Variants in DENND6A observed in about 807,000 individuals in gnomAD.
DENND6A encodes the protein DENN domain containing 6A, also known as protein DENND6A.
Under a neutral mutation model 95.5 loss-of-function variants are expected in DENND6A, and 43 were observed. The ratio of observed to expected loss-of-function variants is 0.45; its 90% confidence interval spans 0.35 to 0.58. DENND6A has a LOEUF of 0.58. DENND6A is among the 20% of genes least tolerant of loss of function. The pLI, the probability that DENND6A is intolerant of heterozygous loss-of-function variation, is 0.00. For missense variants in DENND6A, 574 were observed against 736.0 expected (o/e 0.78, Z 2.55); for synonymous variants, 257 against 260.4 (o/e 0.99, Z 0.13).
chr3:57,642,459 G>C (rs886497250), intron 11 of DENND6A, among the ~76,000 whole-genome samples: 4 of 152,058 alleles, frequency 2.6e-5, no homozygotes, highest in African/African-American at 9.7e-5. Flanking sequence ...GGATGAGAGA[G>C]GGAAGAGTGA....
chr3:57,634,864 A>G, intron 12 of DENND6A, 95 bp from the exon 13 acceptor site: 1 of 1,010,848 alleles, frequency 9.9e-7, no homozygotes, highest in Non-Finnish European at 1.4e-6. Context: ...TTATTACTTA[A>G]GTATGTTATA....
At position 57,633,360 on chromosome 3, in the gene DENND6A, A is replaced by G; in HGVS notation, c.1264-6T>C. 6.2e-7 allele frequency: 1 copy of G among 1,604,746 alleles called. No homozygotes were observed. ...GGACGTTTCTGTTGTACACCCTTAAAAGAGGAAATAATGAGAATCTGTATT... is the reference window on the plus strand; with the variant it reads ...GGACGTTTCTGTTGTACACCCTTAAGAGAGGAAATAATGAGAATCTGTATT... On this transcript the variant is annotated splice_polypyrimidine_tract_variant and splice_region_variant and intron_variant, in intron 14 of 19. Coordinates refer to ENST00000311128, the MANE Select transcript of DENND6A (RefSeq NM_152678.3).
chr3:57,676,585 A>C (rs768866771), intron 1 of DENND6A, among the ~76,000 whole-genome samples: 1 of 152,050 alleles, frequency 6.6e-6, no homozygotes, highest in Non-Finnish European at 1.5e-5. Flanking sequence ...AAAAAGACCT[A>C]ACACTCAAAA....
intron 9 of DENND6A, among the ~76,000 whole-genome samples, chr3:57,651,689 C>CA (rs370393395): frequency 3.3e-3 from 456 of 137,766 alleles, no homozygotes; most frequent in South Asian, 5.5e-3. Flanking sequence ...ATTTAATTAC[C>CA]AAAAAAAAAA....
At chr3:57,643,030 C>T (rs1032269428) in intron 11 of DENND6A, among the ~76,000 whole-genome samples, 3 of 148,078 alleles carry the variant, frequency 2.0e-5, no homozygotes, top group Non-Finnish European at 4.5e-5. Flanking sequence ...AAAGAAAGAT[C>T]ACTCTGGAAG....
rs146621025 is a variant in DENND6A, at chr3:57,659,178, T to A, written c.702A>T (p.Val234=). Residue 234 remains valine (V), a splice_region_variant and synonymous_variant, in exon 8 of 20, where the codon GTA becomes GTT. Transcript: ENST00000311128. The part of the protein sequence containing the change: ...HLPIMGVVMK[V]RIPTCHDKPG... The stretch of plus-strand genomic sequence containing the variant: ...GCTTGTCATGACATGTGGGAATCCG[T>A]ACCTAAAAGAAAGACAGGAAATTAT... 6.2e-7 allele frequency: 1 copy of A among 1,613,874 alleles called. No homozygotes were observed. The highest frequency in any genetic ancestry group is 8.5e-7 in the Non-Finnish European group (1 of 1,179,956).
intron 15 of DENND6A, 30 bp from the exon 16 acceptor site, chr3:57,631,008 AG>A: frequency 6.2e-7 from 1 of 1,601,522 alleles, no homozygotes; most frequent in Non-Finnish European, 8.5e-7. Context: ...TAATAAAAGG[AG>A]TGTCTTCAAA....
chr3:57,678,017 CAA>C (rs1216401517), intron 1 of DENND6A, among the ~76,000 whole-genome samples: 1 of 152,082 alleles, frequency 6.6e-6, no homozygotes, highest in East Asian at 1.9e-4. Flanking sequence ...CCATTTTTGT[CAA>C]AATCACTAAC....
intron 1 of DENND6A, among the ~76,000 whole-genome samples, chr3:57,684,844 C>G (rs9866534): frequency 0.074 from 11,292 of 152,158 alleles, 1,437 homozygotes; most frequent in African/African-American, 0.26. Flanking sequence ...TGGCTCATGC[C>G]TGGGATCTCA....
intron 1 of DENND6A, among the ~76,000 whole-genome samples, chr3:57,681,563 G>T (rs1364835696): frequency 3.5e-4 from 52 of 149,980 alleles, no homozygotes; most frequent in African/African-American, 1.2e-3. Context: ...GGTCAATGCT[G>T]CAGTGAGCTA....
intron 15 of DENND6A, among the ~76,000 whole-genome samples, chr3:57,632,027 T>TC (rs1416793916): frequency 7.0e-6 from 1 of 142,292 alleles, no homozygotes; most frequent in East Asian, 2.1e-4. Flanking sequence ...CGGCCTTTTT[T>TC]TTTTTTTTTT....
chr3:57,640,571 C>G lies in DENND6A; in HGVS notation c.1132+1082G>C, dbSNP rs560647521. ...CCAGCCTGGGCAACAGAGTGAGACT[C>G]TGTCACATAAATAGATAAATGTAGT... On this transcript the variant is annotated intron_variant, in intron 12 of 19. Coordinates refer to ENST00000311128, the MANE Select transcript of DENND6A (RefSeq NM_152678.3). Among the ~76,000 whole-genome samples the G allele has an allele frequency of 7.2e-5, 11 of 152,302 alleles. 1 individual carries two copies. The East Asian group carries it at 1.7e-3, about 24-fold the overall frequency.
intron 11 of DENND6A, among the ~76,000 whole-genome samples, chr3:57,642,716 A>C (rs2070973911): frequency 6.6e-6 from 1 of 152,042 alleles, no homozygotes; most frequent in Non-Finnish European, 1.5e-5. Flanking sequence ...TATTAGAAAG[A>C]TCAATCGGCC....
At chr3:57,689,300 T>C (rs539944301) in intron 1 of DENND6A, among the ~76,000 whole-genome samples, 1 of 151,920 alleles carries the variant, frequency 6.6e-6, no homozygotes, top group East Asian at 1.9e-4. Context: ...AATGAGTATG[T>C]TATTATTCAC....
intron 19 of DENND6A, 143 bp downstream of exon 19, chr3:57,628,668 A>C: frequency 1.2e-6 from 1 of 803,328 alleles, no homozygotes; most frequent in South Asian, 1.8e-5. Context: ...TATTTTCAGC[A>C]GTATCTACCA....
At chr3:57,660,891 T>C (rs758213267) in intron 6 of DENND6A, 52 bp from the exon 7 acceptor site, 2 of 1,464,660 alleles carry the variant, frequency 1.4e-6, no homozygotes, top group East Asian at 2.6e-5. Context: ...TATCAAAGTA[T>C]TAAAAATGAG....
chr3:57,662,846 C>T (rs1456837859), intron 5 of DENND6A, among the ~76,000 whole-genome samples: 3 of 151,866 alleles, frequency 2.0e-5, no homozygotes, highest in South Asian at 2.1e-4. Context: ...AGGCCAGGCA[C>T]GGTGGCTCAT....
intron 3 of DENND6A, among the ~76,000 whole-genome samples, chr3:57,668,641 G>A (rs1262011224): frequency 3.3e-5 from 5 of 152,072 alleles, no homozygotes; most frequent in African/African-American, 1.2e-4. Flanking sequence ...AAAGTCAGGA[G>A]AATCTAAGGT....
chr3:57,640,672 T>C (rs2070910152), intron 12 of DENND6A, among the ~76,000 whole-genome samples: 1 of 152,224 alleles, frequency 6.6e-6, no homozygotes. Flanking sequence ...TCCATTGTCA[T>C]GTCGGAGAGA....
Sources: gnomAD v4.1 joint callset for allele counts (sites outside exome capture counted in the v4.1 genomes callset) on GRCh38, gnomAD v4.1.1 for gene constraint, MANE v1.5 for transcripts, NCBI Gene and HGNC (gene_info 2026-07-23, HGNC 2026-07-21) for gene names.